ECI2: variants seen among roughly 807,000 people sequenced by gnomAD.
ECI2 encodes D3,D2-enoyl-CoA isomerase.
ECI2 carries 27 observed loss-of-function variants against 38.4 expected under a neutral mutation model. The ratio of observed to expected loss-of-function variants is 0.70; its 90% CI spans 0.52 to 0.97. The LOEUF (loss-of-function observed/expected upper bound fraction) is 0.97. Ranked by LOEUF, ECI2 falls within the 50% of genes least tolerant of loss-of-function variation. The probability of loss-of-function intolerance (pLI) is 0.00; values close to 1 mark genes in which losing one functional copy is unlikely to be tolerated. For synonymous variants in ECI2, 168 were observed against 172.0 expected (o/e 0.98, Z 0.18); for missense variants, 470 against 474.4 (o/e 0.99, Z 0.09).
chr6:4,119,264 A>G lies in ECI2; in HGVS notation c.807T>C (p.His269=). 4.3e-6 allele frequency: 7 copies of G among 1,611,900 alleles called. No individual in the cohort carries two copies. In the Middle Eastern group the frequency reaches 6.6e-4, roughly 152 times the overall value. Residue 269 remains histidine (H), a synonymous_variant, in exon 8 of 10, where the codon CAT becomes CAC. Transcript: ENST00000380118. ...AVYASDRATF[H]TPFSHLGQSP... ...TTTGGCCTAGGTGACTAAATGGTGT[A>G]TGAAATGTTGCCTGCAGAGGCAGGA... is the stretch of plus-strand genomic sequence containing the variant.
intron 7 of ECI2, among the ~76,000 whole-genome samples, chr6:4,119,518 G>A (rs536810304): frequency 5.9e-5 from 9 of 152,008 alleles, no homozygotes; most frequent in African/African-American, 1.9e-4. Context: ...ACGGGGTTTC[G>A]CCCTGTTGGC....
intron 4 of ECI2, 61 bp from the exon 5 acceptor site, chr6:4,127,892 G>T: frequency 1.3e-6 from 2 of 1,507,128 alleles, no homozygotes; most frequent in Non-Finnish European, 1.8e-6. Context: ...ATCAATCAAT[G>T]GACTCAACAA....
chr6:4,128,169 G>T (rs1301960197), intron 4 of ECI2, among the ~76,000 whole-genome samples: 6 of 151,972 alleles, frequency 3.9e-5, no homozygotes, highest in Non-Finnish European at 7.4e-5. Context: ...ATGTTCAAAT[G>T]AGGAGGGGGT....
intron 7 of ECI2, chr6:4,125,044 C>A: frequency 1.3e-6 from 1 of 791,250 alleles, no homozygotes; most frequent in Non-Finnish European, 2.1e-6. Flanking sequence ...AGAGTTGGAA[C>A]AATGTTCACA....
chr6:4,132,572 G>A (rs995237389), intron 2 of ECI2, among the ~76,000 whole-genome samples: 1 of 152,168 alleles, frequency 6.6e-6, no homozygotes, highest in South Asian at 2.1e-4. Flanking sequence ...CAGAAAAATA[G>A]ATAACACAGG....
At chr6:4,135,175 CGGGT>C (rs1286428230) in intron 1 of ECI2, 1 of 610,722 alleles carries the variant, frequency 1.6e-6, no homozygotes, top group East Asian at 3.8e-5. Context: ...AGTGCAGGCC[CGGGT>C]GCTCAGCTGG....
At chr6:4,133,509 C>A in intron 2 of ECI2, 40 bp downstream of exon 2, 1 of 1,562,132 alleles carries the variant, frequency 6.4e-7, no homozygotes. Context: ...AAGTCATTTG[C>A]CCAAAATTCT....
At chr6:4,133,386 TA>T (rs1407579828) in intron 2 of ECI2, among the ~76,000 whole-genome samples, 162 bp downstream of exon 2, 2 of 152,040 alleles carry the variant, frequency 1.3e-5, no homozygotes, top group African/African-American at 4.8e-5. Flanking sequence ...AGGTCTAATA[TA>T]AAAAACTGGC....
chr6:4,135,320 G>A, intron 1 of ECI2, 191 bp downstream of exon 1: 1 of 1,446,762 alleles, frequency 6.9e-7, no homozygotes, highest in Non-Finnish European at 9.2e-7. Context: ...ACCACTCCGG[G>A]CCCAGCGGTG....
intron 6 of ECI2, 55 bp downstream of exon 6, chr6:4,126,080 C>G: frequency 6.9e-7 from 1 of 1,443,382 alleles, no homozygotes; most frequent in Non-Finnish European, 9.7e-7. Flanking sequence ...CTAAATACCA[C>G]TTTGATGACT....
intron 7 of ECI2, among the ~76,000 whole-genome samples, chr6:4,123,365 T>TG (rs1404752173): frequency 6.6e-6 from 1 of 151,314 alleles, no homozygotes; most frequent in Non-Finnish European, 1.5e-5. Context: ...TTAGTAGAGA[T>TG]GGTGTTTCAC....
At chr6:4,123,816 A>C (rs1772967561) in intron 7 of ECI2, among the ~76,000 whole-genome samples, 1 of 151,914 alleles carries the variant, frequency 6.6e-6, no homozygotes, top group Non-Finnish European at 1.5e-5. Context: ...AAAATACAAA[A>C]AAATTAGCTC....
At chr6:4,133,891 T>G in intron 1 of ECI2, 180 bp from the exon 2 acceptor site, 1 of 628,170 alleles carries the variant, frequency 1.6e-6, no homozygotes, top group Non-Finnish European at 2.5e-6. Context: ...AGATAATAAG[T>G]CAATACAGAA....
chr6:4,117,567 A>G, intron 8 of ECI2, 116 bp from the exon 9 acceptor site: 10 of 1,395,736 alleles, frequency 7.2e-6, no homozygotes, highest in Non-Finnish European at 9.6e-6. Flanking sequence ...GGTTGCTGGT[A>G]TTTCTCAGTA....
At chr6:4,125,065 A>G (rs1442944902) in intron 7 of ECI2, 185 bp downstream of exon 7, 1 of 987,000 alleles carries the variant, frequency 1.0e-6, no homozygotes, top group Non-Finnish European at 1.5e-6. Context: ...ACAAAATGCA[A>G]GTTAATAATG....
rs950135002 is a variant in ECI2 at position 4,123,915 on chromosome 6, C to T, written c.795+1335G>A. 2.6e-5 allele frequency among the ~76,000 whole-genome samples: 4 copies of T among 151,688 alleles called. No homozygotes were observed. The East Asian group carries it at 7.7e-4, about 29-fold the overall frequency. ...GGTGGTGGCTGCAGTGAGCCAAGAT[C>T]GTGCCACTGCATTCCAGCTTGGGTG... On this transcript the variant is annotated intron_variant, in intron 7 of 9. Transcript: ENST00000380118.
chr6:4,128,525 T>C (rs940503317), intron 4 of ECI2, among the ~76,000 whole-genome samples: 22 of 152,300 alleles, frequency 1.4e-4, no homozygotes, highest in African/African-American at 5.3e-4. Context: ...CTGATACTTA[T>C]AGATACAAAT....
chr6:4,125,041 G>T, intron 7 of ECI2: 2 of 778,878 alleles, frequency 2.6e-6, no homozygotes, highest in Non-Finnish European at 2.1e-6. Context: ...GTCAGAGTTG[G>T]AACAATGTTC....
chr6:4,131,094 G>T, intron 2 of ECI2: 2 of 446,394 alleles, frequency 4.5e-6, no homozygotes, highest in Non-Finnish European at 7.8e-6. Flanking sequence ...TGAAAATAAT[G>T]CAGGATAAAG....
Sources: allele counts gnomAD v4.1 joint callset (sites outside exome capture counted in the v4.1 genomes callset), GRCh38; gene constraint gnomAD v4.1.1; transcripts MANE v1.5; gene names NCBI Gene and HGNC (gene_info 2026-07-23, HGNC 2026-07-21).